Variants in SLC71A1 observed in about 807,000 individuals in gnomAD.
SLC71A1 encodes the protein hippocampus abundant gene transcript 1.
the SLC71A1 span, chr1:100,062,217 CAG>C: frequency 3.7e-6 from 1 of 272,826 alleles, no homozygotes; most frequent in Non-Finnish European, 6.8e-6. Flanking sequence ...TTCTTTTTAA[CAG>C]AATCCTAAAA....
At chr1:100,053,539 A>T in the SLC71A1 span, among the ~76,000 whole-genome samples, 1 of 152,184 alleles carries the variant, frequency 6.6e-6, no homozygotes, top group Non-Finnish European at 1.5e-5. Context: ...GTTATATCAT[A>T]GTTTGTTTCA....
chr1:100,079,482 G>A, the SLC71A1 span: 1 of 152,142 alleles, frequency 6.6e-6, no homozygotes, highest in Non-Finnish European at 1.5e-5. Flanking sequence ...AACAGTGGCA[G>A]TTGTCACTTG....
At chr1:100,051,243 T>G in the SLC71A1 span, among the ~76,000 whole-genome samples, 2 of 151,772 alleles carry the variant, frequency 1.3e-5, no homozygotes, top group African/African-American at 4.8e-5. Context: ...ATACAAAAAT[T>G]AGCTGTGCGT....
chr1:100,054,771 G>T, the SLC71A1 span, among the ~76,000 whole-genome samples: 3 of 152,120 alleles, frequency 2.0e-5, no homozygotes, highest in African/African-American at 7.2e-5. Flanking sequence ...CATTTTCTCT[G>T]TTCACCTCTA....
chr1:100,055,624 G>C, the SLC71A1 span, among the ~76,000 whole-genome samples: 2 of 151,516 alleles, frequency 1.3e-5, no homozygotes, highest in Non-Finnish European at 2.9e-5. Context: ...TATTTATGGG[G>C]GTACATGAGA....
the SLC71A1 span, among the ~76,000 whole-genome samples, chr1:100,051,251 C>T: frequency 0.044 from 6,716 of 151,922 alleles, 174 homozygotes; most frequent in African/African-American, 0.06. Flanking sequence ...ATTAGCTGTG[C>T]GTGGTGGTAC....
the SLC71A1 span, among the ~76,000 whole-genome samples, chr1:100,062,557 G>T: frequency 6.6e-6 from 1 of 152,120 alleles, no homozygotes; most frequent in Non-Finnish European, 1.5e-5. Flanking sequence ...GTAATAGAAT[G>T]ACTACTATAG....
the SLC71A1 span, among the ~76,000 whole-genome samples, chr1:100,071,223 T>C: frequency 7.2e-6 from 1 of 139,150 alleles, no homozygotes; most frequent in Non-Finnish European, 1.5e-5. Context: ...GTGGCCAAGG[T>C]CAGGGACCGC....
chr1:100,080,676 A>T, the SLC71A1 span: 1 of 1,607,524 alleles, frequency 6.2e-7, no homozygotes, highest in Non-Finnish European at 8.5e-7. Context: ...CTCATTCAAC[A>T]TGATCAAATT....
the SLC71A1 span, among the ~76,000 whole-genome samples, chr1:100,072,690 C>T: frequency 5.9e-5 from 9 of 151,956 alleles, no homozygotes; most frequent in South Asian, 4.2e-4. Context: ...ATCTGGTAAC[C>T]GGGTGTGGGC....
chr1:100,045,506 A>G, the SLC71A1 span, among the ~76,000 whole-genome samples: 3 of 151,842 alleles, frequency 2.0e-5, no homozygotes, highest in African/African-American at 7.3e-5. Context: ...TTGTCTGATT[A>G]CTCTGGTTAG....
the SLC71A1 span, chr1:100,058,844 TTAA>T: frequency 3.8e-6 from 2 of 525,614 alleles, no homozygotes; most frequent in Non-Finnish European, 6.8e-6. Flanking sequence ...TGTTTACTGA[TTAA>T]TAACTTAATT....
At chr1:100,074,030 A>G in the SLC71A1 span, among the ~76,000 whole-genome samples, 1 of 152,236 alleles carries the variant, frequency 6.6e-6, no homozygotes, top group African/African-American at 2.4e-5. Context: ...TGCTGGGGAT[A>G]TAAATGTAAA....
chr1:100,039,502 G>A, the SLC71A1 span, among the ~76,000 whole-genome samples: 1 of 152,040 alleles, frequency 6.6e-6, no homozygotes, highest in Non-Finnish European at 1.5e-5. Context: ...TTAGTTTAAC[G>A]TTTATTATAT....
the SLC71A1 span, among the ~76,000 whole-genome samples, chr1:100,043,460 G>A: frequency 1.3e-5 from 2 of 152,188 alleles, no homozygotes; most frequent in East Asian, 3.9e-4. Context: ...AATAATACAT[G>A]TTTTCCTTCC....
the SLC71A1 span, among the ~76,000 whole-genome samples, chr1:100,081,551 T>C: frequency 1.3e-5 from 2 of 152,096 alleles, no homozygotes; most frequent in Admixed American, 1.3e-4. Context: ...TTTTTTTGTA[T>C]TTTTAGTAGA....
the SLC71A1 span, among the ~76,000 whole-genome samples, chr1:100,041,215 G>A: frequency 5.3e-5 from 8 of 152,138 alleles, no homozygotes; most frequent in African/African-American, 1.9e-4. Context: ...CAGATTAATC[G>A]TAAGTTACTG....
At chr1:100,054,980 A>G in the SLC71A1 span, among the ~76,000 whole-genome samples, 3 of 152,230 alleles carry the variant, frequency 2.0e-5, no homozygotes, top group Admixed American at 6.5e-5. Context: ...AACATTCAAA[A>G]TTGAAAGGAT....
At chr1:100,049,777 G>C in the SLC71A1 span, 5 of 564,086 alleles carry the variant, frequency 8.9e-6, no homozygotes, top group South Asian at 1.2e-4. Flanking sequence ...AGTGAGTACA[G>C]ATGTTTGACA....
Sources: allele counts gnomAD v4.1 joint callset (sites outside exome capture counted in the v4.1 genomes callset), GRCh38; gene constraint gnomAD v4.1.1; transcripts MANE v1.5; gene names NCBI Gene and HGNC (gene_info 2026-07-23, HGNC 2026-07-21).